KCNH1: variants seen among roughly 807,000 people sequenced by gnomAD.
The protein encoded by KCNH1 is voltage-gated delayed rectifier potassium channel KCNH1.
Under a neutral mutation model 69.2 loss-of-function variants are expected in KCNH1, and 27 were observed. The ratio of observed to expected loss-of-function variants is 0.39; its 90% CI spans 0.29 to 0.54. KCNH1 has a LOEUF of 0.54. KCNH1 is among the 20% of genes least tolerant of loss of function. The probability of loss-of-function intolerance (pLI) is 0.68; values close to 1 mark genes in which losing one functional copy is unlikely to be tolerated. For missense variants in KCNH1, 798 were observed against 1,261.6 expected, an observed-to-expected ratio of 0.63 and a Z score of 5.57; for synonymous variants, 456 against 487.7, an observed-to-expected ratio of 0.93 and a Z score of 0.86.
At chr1:210,975,665 A>G (rs964069750) in intron 6 of KCNH1, among the ~76,000 whole-genome samples, 5 of 152,212 alleles carry the variant, frequency 3.3e-5, no homozygotes, top group African/African-American at 1.2e-4. Flanking sequence ...AAACCTAGGC[A>G]ACACCATTCA....
intron 9 of KCNH1, among the ~76,000 whole-genome samples, chr1:210,779,972 C>G (rs1021199406): frequency 1.3e-5 from 2 of 152,088 alleles, no homozygotes; most frequent in African/African-American, 4.8e-5. Flanking sequence ...AGGGGCACAG[C>G]ACAGAAGAAA....
Position 210,889,533 on chromosome 1 carries a change from T to C in KCNH1, c.1462+30107A>G, listed in dbSNP as rs570206466. On this transcript the variant is annotated intron_variant, in intron 7 of 10. Transcript: ENST00000271751. Reference sequence around the variant, plus strand: ...CCTCTCTCACCACTCCTATTCAACATAGTGTTGGAAGTTTTTGCCAGGGCA... The same window carrying C: ...CCTCTCTCACCACTCCTATTCAACACAGTGTTGGAAGTTTTTGCCAGGGCA... Among the ~76,000 whole-genome samples, 1,169 of 152,242 alleles carry C rather than the reference T, an allele frequency of 7.7e-3. 18 individuals carry two copies. The highest frequency in any genetic ancestry group is 0.027 in the African/African-American group (1,121 of 41,548).
intron 6 of KCNH1, among the ~76,000 whole-genome samples, chr1:210,960,033 A>G (rs948110008): frequency 6.6e-6 from 1 of 152,232 alleles, no homozygotes; most frequent in Non-Finnish European, 1.5e-5. Flanking sequence ...CTATTTGGCC[A>G]TCTTGGAATG....
intron 10 of KCNH1, among the ~76,000 whole-genome samples, chr1:210,713,344 C>A (rs1373899219): frequency 6.6e-6 from 1 of 152,148 alleles, no homozygotes; most frequent in East Asian, 1.9e-4. Flanking sequence ...GTACCTAGCC[C>A]TTAATTCCCA....
At chr1:211,052,523 G>A (rs1443124157) in intron 5 of KCNH1, among the ~76,000 whole-genome samples, 1 of 152,202 alleles carries the variant, frequency 6.6e-6, no homozygotes, top group East Asian at 1.9e-4. Context: ...TCCACATAGT[G>A]AGGAGTCATT....
intron 5 of KCNH1, among the ~76,000 whole-genome samples, chr1:211,046,900 T>A (rs1264773346): frequency 6.6e-6 from 1 of 152,086 alleles, no homozygotes; most frequent in Non-Finnish European, 1.5e-5. Context: ...TAGTCTAAAT[T>A]AATACTAACC....
In KCNH1 at chr1:211,083,844, C is replaced by G. The variant is rs1226075437; in HGVS notation, c.440-946G>C. ...GAAATCTCATCTGCCAAATTTTACC[C>G]TGGAGCAACTTTCCAAGATAGACTT... On this transcript the variant is annotated intron_variant, in intron 4 of 10. Transcript: ENST00000271751. Among the ~76,000 whole-genome samples the G allele has an allele frequency of 9.9e-5, 15 of 152,280 alleles. No homozygotes were observed. In the South Asian group the frequency reaches 3.1e-3, roughly 32 times the overall value.
chr1:210,773,461 T>C (rs1038009638), intron 10 of KCNH1, among the ~76,000 whole-genome samples: 2 of 152,220 alleles, frequency 1.3e-5, no homozygotes, highest in Non-Finnish European at 2.9e-5. Context: ...TTCTCAGGTC[T>C]CTGTGCAGGG....
At chr1:210,902,396 G>A (rs1409313758) in intron 7 of KCNH1, among the ~76,000 whole-genome samples, 1 of 152,248 alleles carries the variant, frequency 6.6e-6, no homozygotes, top group Non-Finnish European at 1.5e-5. Context: ...CTATTTGCAT[G>A]AGCAGATGTG....
At chr1:211,080,475 G>A (rs58000861) in intron 5 of KCNH1, among the ~76,000 whole-genome samples, 1,844 of 152,198 alleles carry the variant, frequency 0.012, 32 homozygotes, top group African/African-American at 0.042. Context: ...CTACTTTAAA[G>A]TTCATGTGGA....
Position 210,680,413 on chromosome 1 carries a change from T to C in KCNH1, c.*2868A>G, listed in dbSNP as rs1681237967. 1 of 152,178 alleles carries C rather than the reference T, an allele frequency of 6.6e-6. No individual in the cohort carries two copies. The highest frequency in any genetic ancestry group is 2.1e-4 in the South Asian group (1 of 4,828). The allele number at this position is 152,178 out of a possible 1,614,324, so 9.4% of individuals were successfully genotyped here. ...GAAAAACATACATCCTGGGCAAATC[T>C]GTTCTCTCTTGGCATACTTTTTCTG... On this transcript the variant is annotated 3_prime_UTR_variant, in exon 11 of 11. Transcript: ENST00000271751.
At chr1:210,934,021 T>C (rs1335451449) in intron 6 of KCNH1, among the ~76,000 whole-genome samples, 8 of 152,158 alleles carry the variant, frequency 5.3e-5, no homozygotes, top group African/African-American at 2.4e-5. Context: ...TCTCACTATA[T>C]GCAAAAATCA....
chr1:210,823,960 T>C (rs940726509), intron 7 of KCNH1, among the ~76,000 whole-genome samples: 1 of 73,998 alleles, frequency 1.4e-5, no homozygotes, highest in African/African-American at 4.6e-5. Flanking sequence ...CTCAGGCTTT[T>C]TTACTTGTTG....
intron 5 of KCNH1, among the ~76,000 whole-genome samples, chr1:211,028,685 T>C (rs188880536): frequency 2.8e-3 from 431 of 151,404 alleles, no homozygotes; most frequent in Non-Finnish European, 4.8e-3. Context: ...CACATAAATA[T>C]GACTAGTTAG....
intron 5 of KCNH1, among the ~76,000 whole-genome samples, chr1:211,020,703 G>T (rs769483718): frequency 1.3e-5 from 2 of 151,866 alleles, no homozygotes; most frequent in Non-Finnish European, 2.9e-5. Flanking sequence ...AAAACTACAA[G>T]CCAATATTCC....
At chr1:210,852,310 T>C (rs1490281829) in intron 7 of KCNH1, among the ~76,000 whole-genome samples, 1 of 151,994 alleles carries the variant, frequency 6.6e-6, no homozygotes, top group Non-Finnish European at 1.5e-5. Flanking sequence ...GCTGGGAGCT[T>C]GGGAAGCAAG....
intron 10 of KCNH1, among the ~76,000 whole-genome samples, chr1:210,696,936 C>T (rs1681654679): frequency 6.6e-6 from 1 of 152,224 alleles, no homozygotes; most frequent in Admixed American, 6.5e-5. Context: ...AATGCACAGC[C>T]ATCTCCTGAG....
At chr1:211,037,958 CTTT>C (rs749586546) in intron 5 of KCNH1, among the ~76,000 whole-genome samples, 4 of 123,108 alleles carry the variant, frequency 3.2e-5, no homozygotes, top group African/African-American at 6.4e-5. Context: ...GCTTCTCCCT[CTTT>C]TTTTTTTTTT....
intron 7 of KCNH1, among the ~76,000 whole-genome samples, chr1:210,874,729 CAT>C (rs1686330154): frequency 6.6e-6 from 1 of 151,998 alleles, no homozygotes; most frequent in Non-Finnish European, 1.5e-5. Flanking sequence ...AGCATACATA[CAT>C]ATATATATCA....
Sources: allele counts gnomAD v4.1 joint callset (sites outside exome capture counted in the v4.1 genomes callset), GRCh38; gene constraint gnomAD v4.1.1; transcripts MANE v1.5; gene names NCBI Gene and HGNC (gene_info 2026-07-23, HGNC 2026-07-21).